ARL13B: variants seen among roughly 807,000 people sequenced by gnomAD.
ARL13B encodes ADP-ribosylation factor-like protein 13B.
ARL13B carries 36 observed loss-of-function variants against 56.1 expected under a neutral mutation model. That is an observed-to-expected ratio of 0.64 (90% CI 0.49 to 0.85). The LOEUF is 0.85. Ranked by LOEUF, ARL13B falls within the 40% of genes least tolerant of loss-of-function variation. ARL13B has a pLI of 0.00. For missense variants in ARL13B, 519 were observed against 507.1 expected (o/e 1.02, Z -0.23); for synonymous variants, 178 against 171.1 (o/e 1.04, Z -0.32).
At position 94,036,712 on chromosome 3, in the gene ARL13B, A is replaced by G; in HGVS notation, c.647A>G (p.Lys216Arg). 6.2e-7 allele frequency: 1 copy of G among 1,613,942 alleles called. No individual in the cohort carries two copies. Among genetic ancestry groups the G allele is most frequent in the South Asian group, 1.1e-5 (1 of 91,058 alleles). ...CAGCGTGCTCTTGAGGAACAAGAGAAACAAGAAAGAGCTGAACGAGTGCGA... is the reference window on the plus strand; with the variant it reads ...CAGCGTGCTCTTGAGGAACAAGAGAGACAAGAAAGAGCTGAACGAGTGCGA... ...TEQRALEEQEKQERAERVRKL... is the reference protein window; with the variant it reads ...TEQRALEEQERQERAERVRKL... Residue 216 changes from lysine to arginine, a missense_variant, in exon 5 of 10, where the codon AAA (lysine) becomes AGA (arginine). By Grantham distance (26) the Lys-to-Arg change is conservative. Transcript: ENST00000394222.
At chr3:94,018,420 C>T (rs1559988526) in intron 3 of ARL13B, among the ~76,000 whole-genome samples, 1 of 152,088 alleles carries the variant, frequency 6.6e-6, no homozygotes, top group African/African-American at 2.4e-5. Context: ...AAGTATTTCT[C>T]CTGTTTTTTT....
At chr3:94,030,625 A>G (rs1248714987) in intron 3 of ARL13B, among the ~76,000 whole-genome samples, 2 of 152,172 alleles carry the variant, frequency 1.3e-5, no homozygotes, top group African/African-American at 4.8e-5. Flanking sequence ...CTAGGTATAT[A>G]TCTAGGTGAT....
chr3:94,044,780 TGAG>T (rs1244193605), intron 7 of ARL13B, among the ~76,000 whole-genome samples: 4 of 131,540 alleles, frequency 3.0e-5, no homozygotes, highest in Non-Finnish European at 6.3e-5. Flanking sequence ...GAATGGGAAG[TGAG>T]GAGCGCCTCT....
chr3:94,016,319 A>T (rs925391847), intron 3 of ARL13B, among the ~76,000 whole-genome samples: 3 of 152,138 alleles, frequency 2.0e-5, no homozygotes, highest in Non-Finnish European at 1.5e-5. Flanking sequence ...TCTGAATGTG[A>T]TGCTGTTATG....
intron 3 of ARL13B, among the ~76,000 whole-genome samples, chr3:94,030,900 G>C (rs989550301): frequency 5.9e-5 from 9 of 152,128 alleles, no homozygotes; most frequent in African/African-American, 2.2e-4. Flanking sequence ...TCTAAGGCTG[G>C]GCACAGTGGC....
intron 7 of ARL13B, among the ~76,000 whole-genome samples, chr3:94,047,660 A>G (rs528867987): frequency 3.9e-5 from 6 of 152,322 alleles, no homozygotes; most frequent in African/African-American, 7.2e-5. Flanking sequence ...TTAAGATCAT[A>G]TATCTGTCTG....
intron 3 of ARL13B, among the ~76,000 whole-genome samples, chr3:94,005,933 C>T (rs1246184995): frequency 6.6e-6 from 1 of 152,078 alleles, no homozygotes; most frequent in Non-Finnish European, 1.5e-5. Flanking sequence ...GGGCCAGCCA[C>T]CGTTAGCATT....
intron 6 of ARL13B, among the ~76,000 whole-genome samples, chr3:94,040,237 T>G (rs2076839156): frequency 6.6e-6 from 1 of 152,212 alleles, no homozygotes; most frequent in African/African-American, 2.4e-5. Flanking sequence ...TAAATTTGAC[T>G]GTAGCAATTA....
At chr3:94,014,196 G>T (rs2076279598) in intron 3 of ARL13B, among the ~76,000 whole-genome samples, 1 of 152,144 alleles carries the variant, frequency 6.6e-6, no homozygotes, top group African/African-American at 2.4e-5. Context: ...TTAAATAAAA[G>T]TGTGTTTTAT....
intron 3 of ARL13B, among the ~76,000 whole-genome samples, chr3:94,007,378 C>G (rs1267569387): frequency 6.6e-6 from 1 of 152,180 alleles, no homozygotes; most frequent in Non-Finnish European, 1.5e-5. Context: ...ACAAGCCTGA[C>G]AGCATGTTGT....
intron 2 of ARL13B, chr3:93,996,720 CAGT>C (rs1406225549): frequency 5.6e-6 from 2 of 358,070 alleles, no homozygotes; most frequent in East Asian, 1.6e-4. Flanking sequence ...TACAATATAG[CAGT>C]ATCTATGCTA....
intron 7 of ARL13B, among the ~76,000 whole-genome samples, chr3:94,045,426 C>T (rs1385689021): frequency 1.4e-5 from 2 of 147,664 alleles, no homozygotes; most frequent in African/African-American, 2.5e-5. Context: ...CGAGAAACAC[C>T]CAAGAATGAT....
At chr3:93,992,996 G>T (rs1404340055) in intron 1 of ARL13B, among the ~76,000 whole-genome samples, 3 of 150,528 alleles carry the variant, frequency 2.0e-5, no homozygotes, top group Non-Finnish European at 3.0e-5. Flanking sequence ...GTAGTGATGG[G>T]ATTTCACCGT....
At position 94,041,165 on chromosome 3, in the gene ARL13B, A is replaced by AT. The variant is rs535604544; in HGVS notation, c.798+1186dup. On this transcript the variant is annotated intron_variant, in intron 6 of 9. Coordinates refer to ENST00000394222, the MANE Select transcript of ARL13B (RefSeq NM_001174150.2). ...GTTTCTTGGTACAGAAGCACCTAACATTTTTTTTTATTATTACTGCAGATA... is the reference window on the plus strand; with the variant it reads ...GTTTCTTGGTACAGAAGCACCTAACATTTTTTTTTTATTATTACTGCAGATA... Among the ~76,000 whole-genome samples, 197 of 151,284 alleles carry AT rather than the reference A, an allele frequency of 1.3e-3. 1 individual carries two copies. The highest frequency in any genetic ancestry group is 1.7e-3 in the East Asian group (9 of 5,166).
chr3:93,981,474 T>C (rs1710211699), intron 1 of ARL13B, among the ~76,000 whole-genome samples: 1 of 151,684 alleles, frequency 6.6e-6, no homozygotes, highest in Non-Finnish European at 1.5e-5. Context: ...TAACAGAAAA[T>C]ACATGTCTAG....
chr3:94,045,969 A>AAAAAAAAAAG (rs1560013971), intron 7 of ARL13B, among the ~76,000 whole-genome samples: 105 of 118,118 alleles, frequency 8.9e-4, no homozygotes, highest in Non-Finnish European at 1.7e-3. Context: ...AAAAAAAAAG[A>AAAAAAAAAAG]AAAAAAAAAG....
At position 94,029,346 on chromosome 3, in the gene ARL13B, T is replaced by TA. The variant is rs1559997873; in HGVS notation, c.381-5985_381-5984insA. 7.0e-4 allele frequency among the ~76,000 whole-genome samples: 73 copies of TA among 105,010 alleles called. 4 individuals are homozygous for TA. Among genetic ancestry groups the TA allele is most frequent in the South Asian group, 3.6e-3 (13 of 3,610 alleles). The allele number at this position is 105,010 out of a possible 152,430, so 68.9% of individuals were successfully genotyped here. A position where few individuals can be genotyped will look rare whatever the true frequency, so the allele number is the denominator to read the frequency against. On this transcript the variant is annotated intron_variant, in intron 3 of 9. Transcript: ENST00000394222. ...TATATATATATATATTTATTTTTTT[T>TA]TTATTTTTTTTTTTTTTTGAGAAGG...
At chr3:94,031,267 GAA>G (rs1270075313) in intron 3 of ARL13B, among the ~76,000 whole-genome samples, 1 of 151,960 alleles carries the variant, frequency 6.6e-6, no homozygotes, top group Non-Finnish European at 1.5e-5. Context: ...AAATCAACAC[GAA>G]TACATGGTTA....
chr3:94,008,248 T>C (rs1289438399), intron 3 of ARL13B, among the ~76,000 whole-genome samples: 1 of 152,176 alleles, frequency 6.6e-6, no homozygotes, highest in Non-Finnish European at 1.5e-5. Context: ...GAAATTAACT[T>C]TAGCCTGTAC....
Sources: allele counts gnomAD v4.1 joint callset (sites outside exome capture counted in the v4.1 genomes callset), GRCh38; gene constraint gnomAD v4.1.1; transcripts MANE v1.5; gene names NCBI Gene and HGNC (gene_info 2026-07-23, HGNC 2026-07-21).